PPARGC1A: variants seen among roughly 807,000 people sequenced by gnomAD.
PPARGC1A encodes peroxisome proliferator-activated receptor gamma coactivator 1-alpha.
A neutral mutation model predicts 88.7 loss-of-function variants in PPARGC1A; 25 were observed. The observed-to-expected ratio is 0.28, with a 90% CI of 0.21 to 0.39. The LOEUF is 0.39. Ranked by LOEUF, PPARGC1A falls within the 10% of genes least tolerant of loss-of-function variation. The pLI is 1.00. For missense variants in PPARGC1A, 880 were observed against 968.7 expected, an observed-to-expected ratio of 0.91 and a Z score of 1.22; for synonymous variants, 363 against 355.6, an observed-to-expected ratio of 1.02 and a Z score of -0.24.
chr4:24,076,755 T>C, the PPARGC1A span, among the ~76,000 whole-genome samples: 1 of 152,136 alleles, frequency 6.6e-6, no homozygotes. Context: ...CTAGTGACGT[T>C]TGAATATGGA....
At chr4:24,397,037 T>C in the PPARGC1A span, among the ~76,000 whole-genome samples, 1 of 151,996 alleles carries the variant, frequency 6.6e-6, no homozygotes. Flanking sequence ...AGCAAACAGT[T>C]AAGAAAAACA....
chr4:24,397,128 A>T, the PPARGC1A span, among the ~76,000 whole-genome samples: 4 of 152,244 alleles, frequency 2.6e-5, no homozygotes, highest in African/African-American at 9.6e-5. Flanking sequence ...AATAAATTAT[A>T]GAATAAAATT....
At chr4:24,041,149 G>A in the PPARGC1A span, among the ~76,000 whole-genome samples, 2 of 152,196 alleles carry the variant, frequency 1.3e-5, no homozygotes, top group Admixed American at 6.5e-5. Flanking sequence ...TCTATTGCCT[G>A]TGCCTGGGAG....
chr4:24,252,142 A>G, the PPARGC1A span, among the ~76,000 whole-genome samples: 1 of 152,140 alleles, frequency 6.6e-6, no homozygotes, highest in Non-Finnish European at 1.5e-5. Context: ...ACTGAATTTA[A>G]TATTTTCTTT....
At chr4:23,932,086 TAGAA>T in the PPARGC1A span, among the ~76,000 whole-genome samples, 1 of 152,142 alleles carries the variant, frequency 6.6e-6, no homozygotes, top group Non-Finnish European at 1.5e-5. Context: ...TAGCTAAAAA[TAGAA>T]AGAAGGCAAA....
chr4:24,204,348 G>A, the PPARGC1A span, among the ~76,000 whole-genome samples: 1 of 152,016 alleles, frequency 6.6e-6, no homozygotes, highest in African/African-American at 2.4e-5. Flanking sequence ...GGTTCTTTGA[G>A]GGCAAAAAAC....
the PPARGC1A span, among the ~76,000 whole-genome samples, chr4:23,977,774 C>T: frequency 2.6e-5 from 4 of 152,292 alleles, no homozygotes; most frequent in South Asian, 8.3e-4. Context: ...TACTCTCAGT[C>T]AGCTTTGTGA....
At chr4:24,468,401 G>A in the PPARGC1A span, among the ~76,000 whole-genome samples, 1 of 152,172 alleles carries the variant, frequency 6.6e-6, no homozygotes, top group Admixed American at 6.5e-5. Flanking sequence ...TCTAATTGAA[G>A]AAATGAATTC....
At chr4:23,993,436 G>T in the PPARGC1A span, among the ~76,000 whole-genome samples, 1 of 152,164 alleles carries the variant, frequency 6.6e-6, no homozygotes, top group Admixed American at 6.6e-5. Flanking sequence ...ATCAGAAAGT[G>T]TTTACCAACT....
chr4:24,393,529 G>A, the PPARGC1A span, among the ~76,000 whole-genome samples: 7 of 152,222 alleles, frequency 4.6e-5, no homozygotes, highest in African/African-American at 1.4e-4. Context: ...ATGGGCATGC[G>A]TGATTAACTC....
the PPARGC1A span, among the ~76,000 whole-genome samples, chr4:23,976,688 A>ACCAGAAAT: frequency 6.6e-6 from 1 of 152,148 alleles, no homozygotes; most frequent in East Asian, 1.9e-4. Context: ...AAAGACAGAC[A>ACCAGAAAT]CCAGAAATGT....
chr4:24,358,338 A>G, the PPARGC1A span, among the ~76,000 whole-genome samples: 6 of 152,222 alleles, frequency 3.9e-5, no homozygotes, highest in African/African-American at 1.4e-4. Flanking sequence ...TACTATCACT[A>G]TCTCCATTTT....
chr4:24,386,157 T>C, the PPARGC1A span, among the ~76,000 whole-genome samples: 2 of 152,104 alleles, frequency 1.3e-5, no homozygotes, highest in Non-Finnish European at 2.9e-5. Context: ...ATTATCTCAA[T>C]AGATGCAGAA....
the PPARGC1A span, among the ~76,000 whole-genome samples, chr4:24,322,666 C>T: frequency 2.2e-4 from 33 of 152,296 alleles, no homozygotes; most frequent in East Asian, 6.2e-3. Flanking sequence ...ATATGCAAGC[C>T]AACTGATATC....
the PPARGC1A span, among the ~76,000 whole-genome samples, chr4:24,405,646 T>A: frequency 2.6e-5 from 4 of 152,206 alleles, no homozygotes; most frequent in Non-Finnish European, 5.9e-5. Context: ...GATTCTGTCC[T>A]GCCTGAGACA....
the PPARGC1A span, among the ~76,000 whole-genome samples, chr4:23,960,877 T>C: frequency 1.3e-5 from 2 of 152,198 alleles, no homozygotes; most frequent in Non-Finnish European, 2.9e-5. Flanking sequence ...ATTGGGCTTC[T>C]ATGTACATGG....
chr4:24,388,010 G>GGAAA, the PPARGC1A span, among the ~76,000 whole-genome samples: 6,318 of 147,322 alleles, frequency 0.043, 489 homozygotes, highest in African/African-American at 0.15. Context: ...AAGGAAGGAA[G>GGAAA]GAAAGAAAGA....
chr4:23,988,638 C>G, the PPARGC1A span, among the ~76,000 whole-genome samples: 4 of 151,302 alleles, frequency 2.6e-5, no homozygotes, highest in African/African-American at 4.9e-5. Context: ...AATTTATATA[C>G]AGAGATAGAT....
At chr4:24,036,843 C>T in the PPARGC1A span, among the ~76,000 whole-genome samples, 3 of 152,192 alleles carry the variant, frequency 2.0e-5, no homozygotes, top group Admixed American at 1.3e-4. Context: ...GTACTTTATA[C>T]ACTTTACTTT....
Sources: gnomAD v4.1 joint callset for allele counts (sites outside exome capture counted in the v4.1 genomes callset) on GRCh38, gnomAD v4.1.1 for gene constraint, MANE v1.5 for transcripts, NCBI Gene and HGNC (gene_info 2026-07-23, HGNC 2026-07-21) for gene names.